The following WWOX variants were observed in gnomAD, a reference collection of about 807,000 sequenced individuals.
WWOX encodes the protein WW domain-containing oxidoreductase.
WWOX carries 69 observed loss-of-function variants against 46.2 expected under a neutral mutation model. The ratio of observed to expected loss-of-function variants is 1.49; its 90% CI spans 1.23 to 1.82. WWOX has a LOEUF of 1.82. Among genes scored for constraint, WWOX ranks in the 40% most tolerant of loss-of-function variants. The probability of loss-of-function intolerance (pLI) is 0.00; values close to 1 mark genes in which losing one functional copy is unlikely to be tolerated. For synonymous variants in WWOX, 359 were observed against 202.6 expected, an observed-to-expected ratio of 1.77 and a Z score of -6.56; for missense variants, 919 against 542.6, an observed-to-expected ratio of 1.69 and a Z score of -6.89.
At chr16:78,698,111 C>G (rs978827731) in intron 8 of WWOX, among the ~76,000 whole-genome samples, 7 of 152,318 alleles carry the variant, frequency 4.6e-5, no homozygotes, top group South Asian at 2.1e-4. Context: ...TTTCAACTCT[C>G]TCATTGGCAT....
At chr16:78,916,136 A>G (rs2045246080) in intron 8 of WWOX, among the ~76,000 whole-genome samples, 2 of 152,310 alleles carry the variant, frequency 1.3e-5, no homozygotes, top group Middle Eastern at 3.4e-3. Context: ...TAACCGTCCC[A>G]TCTTGATAAA....
At chr16:78,797,288 C>T (rs570707873) in intron 8 of WWOX, among the ~76,000 whole-genome samples, 3 of 136,116 alleles carry the variant, frequency 2.2e-5, no homozygotes, top group East Asian at 4.6e-4. Context: ...CAAATAAGAA[C>T]ACATAATTAC....
At chr16:79,195,190 C>T (rs1237981070) in intron 8 of WWOX, among the ~76,000 whole-genome samples, 2 of 152,040 alleles carry the variant, frequency 1.3e-5, no homozygotes, top group African/African-American at 4.8e-5. Flanking sequence ...TTGGGTACCC[C>T]AGGAAGTAGA....
chr16:78,743,449 G>C (rs759046591), intron 8 of WWOX, among the ~76,000 whole-genome samples: 1 of 151,078 alleles, frequency 6.6e-6, no homozygotes, highest in Non-Finnish European at 1.5e-5. Context: ...CCCTCAAGAA[G>C]CATCATTTAG....
intron 8 of WWOX, among the ~76,000 whole-genome samples, chr16:78,619,004 T>A (rs1241793742): frequency 1.3e-5 from 2 of 149,092 alleles, no homozygotes; most frequent in African/African-American, 2.5e-5. Flanking sequence ...AACTCTTCAT[T>A]TAAGTGTTAG....
chr16:78,187,980 T>C (rs760805426), intron 5 of WWOX, among the ~76,000 whole-genome samples: 16 of 152,216 alleles, frequency 1.1e-4, no homozygotes, highest in Admixed American at 5.9e-4. Context: ...TTCCAAGAAT[T>C]TAATTACTAT....
chr16:79,010,319 G>C (rs2047278603), intron 8 of WWOX, among the ~76,000 whole-genome samples: 1 of 152,190 alleles, frequency 6.6e-6, no homozygotes, highest in Non-Finnish European at 1.5e-5. Context: ...CTGAGGGAAG[G>C]TGCCTCAGGC....
rs1299328655 is a variant in WWOX, at chr16:78,348,532, A to G, written c.517-38328A>G. Among the ~76,000 whole-genome samples, 4 of 120,870 alleles carry G rather than the reference A, an allele frequency of 3.3e-5. 2 individuals are homozygous for G. Among genetic ancestry groups the G allele is most frequent in the Admixed American group, 3.2e-4 (4 of 12,420 alleles). The allele number at this position is 120,870 out of a possible 152,430, so 79.3% of individuals were successfully genotyped here. ...GATTGAGTGCAGTGAATCTTGGCTCACTGTAGCTTTTGCCTCTTGAGCTCA... is the reference window on the plus strand; with the variant it reads ...GATTGAGTGCAGTGAATCTTGGCTCGCTGTAGCTTTTGCCTCTTGAGCTCA... On this transcript the variant is annotated intron_variant, in intron 5 of 8. Coordinates refer to ENST00000566780, the MANE Select transcript of WWOX (RefSeq NM_016373.4).
intron 8 of WWOX, among the ~76,000 whole-genome samples, chr16:78,809,632 C>T (rs971405189): frequency 6.6e-6 from 1 of 151,974 alleles, no homozygotes; most frequent in Non-Finnish European, 1.5e-5. Flanking sequence ...GAAATTTAAC[C>T]TAGTACACAG....
chr16:78,987,396 T>A (rs1234034122), intron 8 of WWOX, among the ~76,000 whole-genome samples: 1 of 152,216 alleles, frequency 6.6e-6, no homozygotes, highest in Non-Finnish European at 1.5e-5. Context: ...AAGGCAGGAT[T>A]TTTCAAGTTT....
At chr16:78,859,807 T>C (rs1376518618) in intron 8 of WWOX, among the ~76,000 whole-genome samples, 1 of 150,060 alleles carries the variant, frequency 6.7e-6, no homozygotes, top group African/African-American at 2.5e-5. Context: ...AGGAAGAAAA[T>C]GAAGAGGAAA....
At chr16:79,000,788 C>T (rs1326504562) in intron 8 of WWOX, among the ~76,000 whole-genome samples, 1 of 152,176 alleles carries the variant, frequency 6.6e-6, no homozygotes, top group Non-Finnish European at 1.5e-5. Flanking sequence ...AATATACCCT[C>T]TAAAAGCCCC....
In WWOX at chr16:78,826,729, A is replaced by G. The variant is rs75252553; in HGVS notation, c.1057-384879A>G. On this transcript the variant is annotated intron_variant, in intron 8 of 8. Coordinates refer to ENST00000566780, the MANE Select transcript of WWOX (RefSeq NM_016373.4). ...ACAAGTTGCAGGGATTTGGATATGG[A>G]ACTGCCTTTTTGGAGGCCACCATTC... 5.4e-3 allele frequency among the ~76,000 whole-genome samples: 817 copies of G among 152,246 alleles called. 7 individuals carry two copies. The highest frequency in any genetic ancestry group is 8.3e-3 in the Non-Finnish European group (564 of 68,018).
chr16:78,673,050 T>C (rs2047505147), intron 8 of WWOX, among the ~76,000 whole-genome samples: 1 of 152,118 alleles, frequency 6.6e-6, no homozygotes, highest in Non-Finnish European at 1.5e-5. Flanking sequence ...GAAGGGGGAA[T>C]GGCCTGAGAA....
chr16:78,781,138 CAG>C (rs1275360599), intron 8 of WWOX, among the ~76,000 whole-genome samples: 3 of 152,146 alleles, frequency 2.0e-5, no homozygotes, highest in Non-Finnish European at 4.4e-5. Flanking sequence ...TAAATCAAGA[CAG>C]GGAAATGATG....
intron 8 of WWOX, among the ~76,000 whole-genome samples, chr16:78,434,682 C>T (rs1197133231): frequency 6.6e-6 from 1 of 152,092 alleles, no homozygotes; most frequent in African/African-American, 2.4e-5. Flanking sequence ...TCAGAGAGTT[C>T]GTTTTCTCCT....
At chr16:79,096,475 C>T (rs897217890) in intron 8 of WWOX, among the ~76,000 whole-genome samples, 1 of 152,158 alleles carries the variant, frequency 6.6e-6, no homozygotes, top group Non-Finnish European at 1.5e-5. Context: ...CATGCCCCTC[C>T]TGGTTATCCC....
chr16:78,426,941 C>T (rs946884134), intron 7 of WWOX, among the ~76,000 whole-genome samples: 10 of 152,162 alleles, frequency 6.6e-5, no homozygotes, highest in South Asian at 2.1e-4. Context: ...TGATTACAGG[C>T]GTGAGCCACC....
At chr16:78,706,485 T>C (rs930917023) in intron 8 of WWOX, among the ~76,000 whole-genome samples, 4 of 152,198 alleles carry the variant, frequency 2.6e-5, no homozygotes, top group Non-Finnish European at 4.4e-5. Flanking sequence ...GGGCTCTTCC[T>C]CTCCTCTTTT....
Sources: gnomAD v4.1 joint callset for allele counts (sites outside exome capture counted in the v4.1 genomes callset) on GRCh38, gnomAD v4.1.1 for gene constraint, MANE v1.5 for transcripts, NCBI Gene and HGNC (gene_info 2026-07-23, HGNC 2026-07-21) for gene names.